PALLD: variants seen among roughly 807,000 people sequenced by gnomAD.
PALLD encodes palladin.
PALLD carries 61 observed loss-of-function variants against 123.5 expected under a neutral mutation model. That is an observed-to-expected ratio of 0.49 (90% confidence interval 0.40 to 0.61). The LOEUF is 0.61. PALLD is among the 20% of genes least tolerant of loss of function. The probability of loss-of-function intolerance (pLI) is 0.00; values close to 1 mark genes in which losing one functional copy is unlikely to be tolerated. For missense variants in PALLD, 1,273 were observed against 1,377.0 expected (o/e 0.92, Z 1.20); for synonymous variants, 465 against 496.4 (o/e 0.94, Z 0.84).
chr4:168,681,048 A>G (rs915548874), intron 3 of PALLD, among the ~76,000 whole-genome samples: 1 of 152,244 alleles, frequency 6.6e-6, no homozygotes, highest in Non-Finnish European at 1.5e-5. Context: ...ATTTAAAAGT[A>G]CGGTTGTGAT....
chr4:168,576,426 C>A (rs574373684), intron 2 of PALLD, among the ~76,000 whole-genome samples: 1 of 152,046 alleles, frequency 6.6e-6, no homozygotes, highest in African/African-American at 2.4e-5. Context: ...TGATGTTCCC[C>A]TCCCTGTGTC....
intron 2 of PALLD, among the ~76,000 whole-genome samples, chr4:168,621,468 G>GTGCCCTGC (rs1774754614): frequency 1.3e-5 from 2 of 152,172 alleles, no homozygotes; most frequent in Admixed American, 1.3e-4. Context: ...GAGAAAAAAG[G>GTGCCCTGC]TGCCCTGCTC....
rs962474425 is a variant in PALLD, at chr4:168,631,544, C to T, written c.909-36646C>T. 6 of 891,688 alleles carry T rather than the reference C, an allele frequency of 6.7e-6. No homozygotes were observed. The South Asian group carries it at 2.6e-4, about 38-fold the overall frequency. The allele number at this position is 891,688 out of a possible 1,614,324, so 55.2% of individuals were successfully genotyped here. ...AGCAGCATTCCTCCCCAGGACACACCCTCTCCCCCTCCCCAGCAGCCCGGC... is the reference window on the plus strand; with the variant it reads ...AGCAGCATTCCTCCCCAGGACACACTCTCTCCCCCTCCCCAGCAGCCCGGC... On this transcript the variant is annotated intron_variant, in intron 2 of 21. Coordinates refer to ENST00000505667, the MANE Select transcript of PALLD (RefSeq NM_001166108.2).
At chr4:168,762,490 C>G (rs1733086688) in intron 10 of PALLD, among the ~76,000 whole-genome samples, 1 of 152,082 alleles carries the variant, frequency 6.6e-6, no homozygotes, top group South Asian at 2.1e-4. Flanking sequence ...AAAGAAAAAG[C>G]CATTCTCTGG....
At chr4:168,759,029 A>AT (rs1247611772) in intron 10 of PALLD, among the ~76,000 whole-genome samples, 1 of 150,962 alleles carries the variant, frequency 6.6e-6, no homozygotes, top group Non-Finnish European at 1.5e-5. Flanking sequence ...ACAAAAAAAA[A>AT]TTAGCCAGGC....
At chr4:168,660,002 G>A (rs1481128119) in intron 2 of PALLD, among the ~76,000 whole-genome samples, 1 of 152,266 alleles carries the variant, frequency 6.6e-6, no homozygotes, top group East Asian at 1.9e-4. Context: ...GCAGTGATTT[G>A]TTGGTTCCTT....
At chr4:168,754,682 T>G (rs950047471) in intron 10 of PALLD, among the ~76,000 whole-genome samples, 5 of 152,202 alleles carry the variant, frequency 3.3e-5, no homozygotes, top group African/African-American at 1.2e-4. Flanking sequence ...AAATGTGCTA[T>G]TCCCATCTTT....
intron 10 of PALLD, among the ~76,000 whole-genome samples, chr4:168,850,951 G>T (rs1747684047): frequency 6.6e-6 from 1 of 152,144 alleles, no homozygotes; most frequent in African/African-American, 2.4e-5. Flanking sequence ...CTCAGTACCT[G>T]GCATTCCATG....
intron 10 of PALLD, among the ~76,000 whole-genome samples, chr4:168,726,574 G>A (rs1178441279): frequency 6.6e-6 from 1 of 151,678 alleles, no homozygotes; most frequent in South Asian, 2.1e-4. Flanking sequence ...GTAGAGACAG[G>A]GTCTTGCTTT....
At position 168,806,475 on chromosome 4, in the gene PALLD, T is replaced by C. The variant is rs1484486077; in HGVS notation, c.1965-84447T>C. ...CCCCTTCACCCTTCCACCATGACTGTAAGTTTCCCAAGGCCTCCCAGCCAT... is the reference window on the plus strand; with the variant it reads ...CCCCTTCACCCTTCCACCATGACTGCAAGTTTCCCAAGGCCTCCCAGCCAT... On this transcript the variant is annotated intron_variant, in intron 10 of 21. Coordinates refer to ENST00000505667, the MANE Select transcript of PALLD (RefSeq NM_001166108.2). Among the ~76,000 whole-genome samples, 4 of 152,342 alleles carry C rather than the reference T, an allele frequency of 2.6e-5. No individual in the cohort carries two copies. In the East Asian group the frequency reaches 7.7e-4, roughly 29 times the overall value.
intron 3 of PALLD, among the ~76,000 whole-genome samples, chr4:168,669,311 A>T (rs999049063): frequency 2.0e-5 from 3 of 152,200 alleles, no homozygotes; most frequent in Non-Finnish European, 4.4e-5. Flanking sequence ...CATGCCTGTA[A>T]TCCCAGCACT....
At chr4:168,567,427 A>G (rs1236663151) in intron 2 of PALLD, among the ~76,000 whole-genome samples, 1 of 151,958 alleles carries the variant, frequency 6.6e-6, no homozygotes, top group Non-Finnish European at 1.5e-5. Flanking sequence ...AATGCTCAAC[A>G]TTACTAATCA....
At chr4:168,759,332 T>C (rs1404365221) in intron 10 of PALLD, among the ~76,000 whole-genome samples, 1 of 149,980 alleles carries the variant, frequency 6.7e-6, no homozygotes, top group Non-Finnish European at 1.5e-5. Flanking sequence ...AGTATTCGTG[T>C]ATAGTAGGAT....
chr4:168,654,571 A>G (rs1046404778), intron 2 of PALLD, among the ~76,000 whole-genome samples: 79 of 152,256 alleles, frequency 5.2e-4, no homozygotes, highest in African/African-American at 1.9e-3. Flanking sequence ...TCTATTATTA[A>G]TAGAATGAAA....
intron 2 of PALLD, among the ~76,000 whole-genome samples, chr4:168,550,939 T>C (rs1766667566): frequency 6.6e-6 from 1 of 152,244 alleles, no homozygotes. Flanking sequence ...TTTGAATTAA[T>C]GGAGAATTTG....
intron 10 of PALLD, among the ~76,000 whole-genome samples, chr4:168,741,823 T>G (rs1788377083): frequency 6.6e-6 from 1 of 152,200 alleles, no homozygotes. Context: ...AAAGCTCCTA[T>G]TGGACAAATC....
intron 2 of PALLD, among the ~76,000 whole-genome samples, chr4:168,587,497 G>C (rs1339439832): frequency 6.6e-6 from 1 of 152,138 alleles, no homozygotes; most frequent in Non-Finnish European, 1.5e-5. Context: ...ACCAGTCTCT[G>C]CCAGGGACTC....
chr4:168,804,844 A>C (rs750433523), intron 10 of PALLD, among the ~76,000 whole-genome samples: 1 of 152,180 alleles, frequency 6.6e-6, no homozygotes, highest in African/African-American at 2.4e-5. Flanking sequence ...AAGAACTGGA[A>C]GGTGCTTATT....
At position 168,869,078 on chromosome 4, in the gene PALLD, CA is replaced by C. The variant is rs1750730323; in HGVS notation, c.1965-21843del. 6.6e-6 allele frequency among the ~76,000 whole-genome samples: 1 copy of C among 152,162 alleles called. No individual in the cohort carries two copies. Reference sequence around the variant, plus strand: ...GCATTACCAGGTTCACAAACGTTCTCATTCGGGTTTGGGAGTTTCACATTTT... The same window carrying C: ...GCATTACCAGGTTCACAAACGTTCTCTTCGGGTTTGGGAGTTTCACATTTT... On this transcript the variant is annotated intron_variant, in intron 10 of 21. Transcript: ENST00000505667. This position sits in a 1 kb window ranked among gnomAD's most constrained non-coding sequence, Gnocchi z 4.5.
Sources: gnomAD v4.1 joint callset for allele counts (sites outside exome capture counted in the v4.1 genomes callset) on GRCh38, gnomAD v4.1.1 for gene constraint, Gnocchi (gnomAD v3.1) non-coding constraint, MANE v1.5 for transcripts, NCBI Gene and HGNC (gene_info 2026-07-23, HGNC 2026-07-21) for gene names.